The following ELAVL2 variants were observed in gnomAD, a reference collection of about 807,000 sequenced individuals.
ELAVL2 encodes ELAV-like protein 2.
ELAVL2 carries 4 observed loss-of-function variants against 34.6 expected under a neutral mutation model. That is an observed-to-expected ratio of 0.12 (90% confidence interval 0.06 to 0.26). ELAVL2 has a LOEUF of 0.26. Among genes scored for constraint, ELAVL2 ranks in the 10% least tolerant of loss-of-function variants. The pLI, the probability that ELAVL2 is intolerant of heterozygous loss-of-function variation, is 1.00. For synonymous variants in ELAVL2, 193 were observed against 154.8 expected, an observed-to-expected ratio of 1.25 and a Z score of -1.83; for missense variants, 432 against 442.8, an observed-to-expected ratio of 0.98 and a Z score of 0.22.
At chr9:23,729,065 A>C (rs1313388711) in intron 3 of ELAVL2, among the ~76,000 whole-genome samples, 2 of 152,186 alleles carry the variant, frequency 1.3e-5, no homozygotes, top group African/African-American at 4.8e-5. Context: ...ATGAACAGTA[A>C]GGAAGCAGCT....
chr9:23,715,849 A>G (rs575262044), intron 3 of ELAVL2, among the ~76,000 whole-genome samples: 1 of 152,212 alleles, frequency 6.6e-6, no homozygotes, highest in South Asian at 2.1e-4. Flanking sequence ...CAGGTGTCTT[A>G]GAATAAAAAA....
intron 3 of ELAVL2, among the ~76,000 whole-genome samples, chr9:23,719,835 T>C (rs1263238855): frequency 6.6e-6 from 1 of 151,206 alleles, no homozygotes; most frequent in African/African-American, 2.4e-5. Flanking sequence ...TTTTTTTTTT[T>C]TTTTTTGAGA....
chr9:23,737,355 T>C (rs16907676), intron 2 of ELAVL2, among the ~76,000 whole-genome samples: 1,548 of 152,322 alleles, frequency 0.01, 32 homozygotes, highest in African/African-American at 0.036. Flanking sequence ...TGCTCAAATG[T>C]TATAGTAATT....
intron 3 of ELAVL2, among the ~76,000 whole-genome samples, chr9:23,711,214 G>A (rs183048943): frequency 6.2e-4 from 95 of 152,170 alleles, no homozygotes; most frequent in African/African-American, 2.1e-3. Context: ...TAAAGGTTAG[G>A]GCAGTTATCT....
intron 3 of ELAVL2, among the ~76,000 whole-genome samples, chr9:23,717,984 C>A (rs970415565): frequency 6.6e-6 from 1 of 152,138 alleles, no homozygotes; most frequent in African/African-American, 2.4e-5. Flanking sequence ...ATTTGCTTAT[C>A]CTGGCCCTTT....
chr9:23,835,109 C>G, the ELAVL2 span, among the ~76,000 whole-genome samples: 1 of 152,124 alleles, frequency 6.6e-6, no homozygotes, highest in Admixed American at 6.5e-5. Flanking sequence ...CTCTCTCTGG[C>G]ATTAATTATG....
At chr9:23,728,809 G>A (rs1422603345) in intron 3 of ELAVL2, among the ~76,000 whole-genome samples, 1 of 152,070 alleles carries the variant, frequency 6.6e-6, no homozygotes, top group Non-Finnish European at 1.5e-5. Flanking sequence ...TATACTTGTG[G>A]GAAATGGTCT....
intron 1 of ELAVL2, among the ~76,000 whole-genome samples, chr9:23,763,785 C>A (rs1290668125): frequency 6.6e-6 from 1 of 152,048 alleles, no homozygotes; most frequent in Non-Finnish European, 1.5e-5. Context: ...AAACATGAGG[C>A]AAAATCCAGA....
At chr9:23,817,328 A>G (rs1402301092) in intron 1 of ELAVL2, among the ~76,000 whole-genome samples, 2 of 152,040 alleles carry the variant, frequency 1.3e-5, no homozygotes, top group East Asian at 1.9e-4. Context: ...TTTCTGGGTT[A>G]TTTTACCTAT....
intron 1 of ELAVL2, among the ~76,000 whole-genome samples, chr9:23,813,433 A>G (rs2063293948): frequency 6.6e-6 from 1 of 151,158 alleles, no homozygotes; most frequent in African/African-American, 2.4e-5. Context: ...TTTTTTTACA[A>G]CAATCTTATA....
intron 5 of ELAVL2, among the ~76,000 whole-genome samples, chr9:23,698,361 C>A (rs778284824): frequency 6.6e-6 from 1 of 152,160 alleles, no homozygotes; most frequent in Admixed American, 6.5e-5. Context: ...CAACAATTCT[C>A]TGATTATTCA....
chr9:23,751,738 G>C (rs867667667), intron 2 of ELAVL2, among the ~76,000 whole-genome samples: 2 of 152,046 alleles, frequency 1.3e-5, no homozygotes, highest in African/African-American at 4.8e-5. Flanking sequence ...GCTGACCTTC[G>C]AAAGCCCAGT....
intron 2 of ELAVL2, among the ~76,000 whole-genome samples, chr9:23,760,935 C>T (rs570905443): frequency 1.3e-5 from 2 of 152,060 alleles, no homozygotes; most frequent in Admixed American, 6.6e-5. Context: ...CTCAAAGTCC[C>T]ATGTATGAAA....
intron 1 of ELAVL2, among the ~76,000 whole-genome samples, chr9:23,786,802 AAGAG>A (rs1554747168): frequency 1.4e-3 from 183 of 127,334 alleles, no homozygotes; most frequent in African/African-American, 5.2e-3. Context: ...AAAAAAAAAA[AAGAG>A]AGAGAGAGAA....
chr9:23,731,811 TAAAC>T (rs1455203279), intron 2 of ELAVL2, among the ~76,000 whole-genome samples: 2 of 151,940 alleles, frequency 1.3e-5, no homozygotes, highest in Non-Finnish European at 1.5e-5. Flanking sequence ...AAATAGAACA[TAAAC>T]AAAAATAACA....
intron 1 of ELAVL2, among the ~76,000 whole-genome samples, chr9:23,774,250 A>G (rs2057841148): frequency 6.6e-6 from 1 of 150,856 alleles, no homozygotes; most frequent in Admixed American, 6.6e-5. Context: ...AAAGAAAGAA[A>G]GAAAGAAAAT....
intron 2 of ELAVL2, among the ~76,000 whole-genome samples, chr9:23,736,224 C>T (rs1256281338): frequency 6.6e-6 from 1 of 151,964 alleles, no homozygotes; most frequent in East Asian, 1.9e-4. Context: ...CTTTATCCAA[C>T]CAATATTAAA....
intron 3 of ELAVL2, among the ~76,000 whole-genome samples, chr9:23,719,763 G>A (rs1377262815): frequency 6.6e-6 from 1 of 151,688 alleles, no homozygotes. Context: ...AGGGAAGGAA[G>A]AGGGGTTTGG....
intron 3 of ELAVL2, 46 bp downstream of exon 3, chr9:23,730,976 T>A: frequency 6.5e-7 from 1 of 1,540,538 alleles, no homozygotes; most frequent in Non-Finnish European, 8.9e-7. Flanking sequence ...CTTAATTTTT[T>A]TAAACTTCTG....
Sources: allele counts gnomAD v4.1 joint callset (sites outside exome capture counted in the v4.1 genomes callset), GRCh38; gene constraint gnomAD v4.1.1; transcripts MANE v1.5; gene names NCBI Gene and HGNC (gene_info 2026-07-23, HGNC 2026-07-21).